RAD54L2: variants seen among roughly 807,000 people sequenced by gnomAD.
The protein encoded by RAD54L2 is RAD54 like 2.
In RAD54L2, 27 loss-of-function variants were observed where a neutral mutation model predicts 138.4. The observed-to-expected ratio is 0.20, with a 90% CI of 0.14 to 0.27. The LOEUF (loss-of-function observed/expected upper bound fraction) is 0.27. RAD54L2 is among the 10% of genes least tolerant of loss of function. The pLI, the probability that RAD54L2 is intolerant of heterozygous loss-of-function variation, is 1.00. For synonymous variants in RAD54L2, 644 were observed against 723.2 expected (o/e 0.89, Z 1.76); for missense variants, 1,396 against 1,890.2 (o/e 0.74, Z 4.85).
intron 2 of RAD54L2, among the ~76,000 whole-genome samples, chr3:51,582,100 T>A (rs1699618760): frequency 6.6e-6 from 1 of 151,742 alleles, no homozygotes; most frequent in Non-Finnish European, 1.5e-5. Flanking sequence ...AGAGATGAGG[T>A]CTCACTATGT....
In RAD54L2 at chr3:51,630,637, TCTGA is replaced by T. The variant is rs1335159132; in HGVS notation, c.599-64_599-61del. 81 of 1,316,714 alleles carry T rather than the reference TCTGA, an allele frequency of 6.2e-5. No individual in the cohort carries two copies. In the African/African-American group the frequency reaches 1.0e-3, roughly 17 times the overall value. 81.6% of individuals were successfully genotyped at this position (1,316,714 alleles called of 1,614,324 possible). On this transcript the variant is annotated intron_variant, in intron 6 of 22. Coordinates refer to ENST00000684192, the MANE Select transcript of RAD54L2 (RefSeq NM_015106.4). ...ACTTTAAGTTTCTGTAGTCTTCTGC[TCTGA>T]CTGTGTGCAGTAAATTATCTTCACT...
At chr3:51,549,006 T>G (rs535825531) in intron 2 of RAD54L2, among the ~76,000 whole-genome samples, 3 of 152,032 alleles carry the variant, frequency 2.0e-5, no homozygotes, top group African/African-American at 7.2e-5. Flanking sequence ...TTGTATTTGT[T>G]TTTTGAGACA....
intron 2 of RAD54L2, among the ~76,000 whole-genome samples, chr3:51,558,479 T>TCTC (rs1553674875): frequency 2.6e-4 from 24 of 90,978 alleles, no homozygotes; most frequent in Non-Finnish European, 4.1e-4. Context: ...CTCTCTCTCT[T>TCTC]TTTTGAGACA....
chr3:51,545,608 C>T (rs1438786454), intron 2 of RAD54L2, among the ~76,000 whole-genome samples: 1 of 151,886 alleles, frequency 6.6e-6, no homozygotes, highest in African/African-American at 2.4e-5. Context: ...CAGAGTCTCT[C>T]TCTGTCACCC....
intron 2 of RAD54L2, among the ~76,000 whole-genome samples, chr3:51,589,906 A>T (rs1349089955): frequency 2.0e-5 from 3 of 152,202 alleles, no homozygotes; most frequent in African/African-American, 7.2e-5. Context: ...TCTCAGAGCC[A>T]GAACACTCAT....
At position 51,639,470 on chromosome 3, in the gene RAD54L2, G is replaced by A. The variant is rs750242370; in HGVS notation, c.1912G>A (p.Ala638Thr). 2.5e-6 allele frequency: 4 copies of A among 1,613,964 alleles called. No homozygotes were observed. In the South Asian group the frequency reaches 3.3e-5, roughly 13 times the overall value. ...LYEALQKESL[A>T]NEQDLDVEEL... ...TGAAGCCCTTCAGAAGGAGAGCTTG[G>A]CCAATGAGCAGGACCTAGACGTGGA... Residue 638 changes from alanine to threonine, a missense_variant, in exon 13 of 23, where the codon GCC becomes ACC. This residue lies in a region of RAD54L2 where 211 missense variants were observed against 273.8 expected (regional missense o/e 0.77). Transcript: ENST00000684192.
chr3:51,583,465 A>G (rs9882601), intron 2 of RAD54L2, among the ~76,000 whole-genome samples: 5,822 of 150,258 alleles, frequency 0.039, 397 homozygotes, highest in African/African-American at 0.13. Flanking sequence ...TCTTGCCCAG[A>G]CTAGAGTGCA....
intron 2 of RAD54L2, among the ~76,000 whole-genome samples, chr3:51,568,176 T>A (rs532729377): frequency 4.6e-5 from 7 of 152,240 alleles, no homozygotes; most frequent in African/African-American, 1.7e-4. Context: ...TTTATAATGT[T>A]CTGCAGCTGT....
chr3:51,646,280 C>A lies in RAD54L2; in HGVS notation c.2830-5C>A. The A allele has an allele frequency of 6.4e-7, 1 of 1,574,632 alleles. No individual in the cohort carries two copies. On this transcript the variant is annotated splice_polypyrimidine_tract_variant and splice_region_variant and intron_variant, in intron 18 of 22. Transcript: ENST00000684192. ...AACTAAATCAACATCCTCCTGTGTC[C>A]CCAGGAGCCTTTCGAGCATGAGTCA...
chr3:51,553,906 A>G (rs1171145523), intron 2 of RAD54L2, among the ~76,000 whole-genome samples: 1 of 152,154 alleles, frequency 6.6e-6, no homozygotes, highest in Non-Finnish European at 1.5e-5. Flanking sequence ...TAAAAAAGCA[A>G]TGTATATACC....
chr3:51,638,213 C>G lies in RAD54L2; in HGVS notation c.1752C>G (p.Ser584=). 6.2e-7 allele frequency: 1 copy of G among 1,613,986 alleles called. No homozygotes were observed. The highest frequency in any genetic ancestry group is 1.1e-5 in the South Asian group (1 of 91,086). The change falls in exon 12 of 23, where the codon TCC becomes TCG. Residue 584 remains serine (S), a synonymous_variant. Coordinates refer to ENST00000684192, the MANE Select transcript of RAD54L2 (RefSeq NM_015106.4). The surrounding 1 kb of genome is among the most constrained non-coding windows in gnomAD (Gnocchi z 4.3). ...KEENVILVRL[S]KIQRDLYTQF... ...AAAATGTGATCCTTGTGCGGCTCTC[C>G]AAGATCCAGCGAGATTTGTATACAC... is the stretch of plus-strand genomic sequence containing the variant.
At chr3:51,606,922 T>C (rs567234589) in intron 3 of RAD54L2, among the ~76,000 whole-genome samples, 5 of 151,864 alleles carry the variant, frequency 3.3e-5, no homozygotes, top group Admixed American at 2.6e-4. Context: ...CTTCAGGTGA[T>C]TCCCCCACCT....
At chr3:51,631,121 A>G (rs1700829335) in intron 7 of RAD54L2, among the ~76,000 whole-genome samples, 190 bp downstream of exon 7, 1 of 152,236 alleles carries the variant, frequency 6.6e-6, no homozygotes, top group African/African-American at 2.4e-5. Context: ...ATGAATAGGA[A>G]GGGACAGGGA....
intron 3 of RAD54L2, among the ~76,000 whole-genome samples, chr3:51,593,253 A>T (rs536542527): frequency 5.9e-5 from 9 of 152,226 alleles, no homozygotes; most frequent in African/African-American, 2.2e-4. Context: ...TCACCCCAAC[A>T]ATTATCTGTC....
intron 2 of RAD54L2, among the ~76,000 whole-genome samples, chr3:51,553,532 A>C (rs542501514): frequency 5.3e-5 from 8 of 152,346 alleles, no homozygotes; most frequent in African/African-American, 1.9e-4. Flanking sequence ...TACATATAAA[A>C]GTTATGTGTA....
At chr3:51,608,176 C>T (rs1386708257) in intron 3 of RAD54L2, among the ~76,000 whole-genome samples, 3 of 151,706 alleles carry the variant, frequency 2.0e-5, no homozygotes, top group African/African-American at 7.3e-5. Flanking sequence ...AGACACTCCT[C>T]AGTTCCCACA....
At chr3:51,654,441 C>G (rs886625438) in intron 19 of RAD54L2, among the ~76,000 whole-genome samples, 1 of 152,110 alleles carries the variant, frequency 6.6e-6, no homozygotes, top group Non-Finnish European at 1.5e-5. Flanking sequence ...TAGTCCCAGC[C>G]TCTTGGGAGG....
At chr3:51,572,476 G>T (rs1699358556) in intron 2 of RAD54L2, among the ~76,000 whole-genome samples, 1 of 149,832 alleles carries the variant, frequency 6.7e-6, no homozygotes, top group African/African-American at 2.4e-5. Flanking sequence ...AAAAAGGCTG[G>T]ACATGGTGAT....
chr3:51,590,429 C>G lies in RAD54L2; in HGVS notation c.9C>G (p.Asp3Glu), dbSNP rs368518385. ...GAGGACCTCTGGGAGCCATGTCAGA[C>G]GAATCTGCCTCAGGGAGCGATCCAG... MS[D>E]ESASGSDPDL... The change falls in exon 3 of 23, where the codon GAC becomes GAG. Residue 3 changes from aspartate (D) to glutamate (E), a missense_variant. By Grantham distance (45) the Asp-to-Glu change is conservative. Coordinates refer to ENST00000684192, the MANE Select transcript of RAD54L2 (RefSeq NM_015106.4). The G allele has an allele frequency of 2.6e-6, 4 of 1,538,584 alleles. No homozygotes were observed.
Sources: gnomAD v4.1 joint callset for allele counts (sites outside exome capture counted in the v4.1 genomes callset) on GRCh38, gnomAD v4.1.1 for gene constraint, gnomAD v4.1.1 regional missense constraint, Gnocchi (gnomAD v3.1) non-coding constraint, MANE v1.5 for transcripts, NCBI Gene and HGNC (gene_info 2026-07-23, HGNC 2026-07-21) for gene names.